Variants in NRXN3 observed in about 807,000 individuals in gnomAD.
NRXN3 encodes neurexin III.
NRXN3 carries 32 observed loss-of-function variants against 137.6 expected under a neutral mutation model. The ratio of observed to expected loss-of-function variants is 0.23; its 90% CI spans 0.18 to 0.31. The LOEUF is 0.31. Among genes scored for constraint, NRXN3 ranks in the 10% least tolerant of loss-of-function variants. The pLI, the probability that NRXN3 is intolerant of heterozygous loss-of-function variation, is 1.00. For missense variants in NRXN3, 1,574 were observed against 2,062.5 expected, an observed-to-expected ratio of 0.76 and a Z score of 4.59; for synonymous variants, 798 against 784.5, an observed-to-expected ratio of 1.02 and a Z score of -0.29.
chr14:78,504,871 G>T lies in NRXN3; in HGVS notation c.758-140249G>T, dbSNP rs878967483. Among the ~76,000 whole-genome samples, 3 of 152,080 alleles carry T rather than the reference G, an allele frequency of 2.0e-5. No individual in the cohort carries two copies. In the East Asian group the frequency reaches 5.8e-4, roughly 29 times the overall value. ...AAGATGTCTAAAGATAGACCTTCAA[G>T]TGGGCCCGACTTACTAGGCCATTCC... is the stretch of plus-strand genomic sequence containing the variant. On this transcript the variant is annotated intron_variant, in intron 4 of 20. Transcript: ENST00000335750.
intron 15 of NRXN3, among the ~76,000 whole-genome samples, chr14:79,227,554 A>G (rs975983052): frequency 6.6e-6 from 1 of 152,104 alleles, no homozygotes; most frequent in African/African-American, 2.4e-5. Flanking sequence ...ATTTCTGTGC[A>G]TGTTTGTTAT....
intron 4 of NRXN3, among the ~76,000 whole-genome samples, chr14:78,341,110 T>C (rs1357826544): frequency 6.6e-6 from 1 of 152,150 alleles, no homozygotes; most frequent in Non-Finnish European, 1.5e-5. Context: ...ACTGGACAGT[T>C]TGTATTTTAT....
intron 10 of NRXN3, among the ~76,000 whole-genome samples, chr14:78,934,925 C>A (rs189346378): frequency 1.3e-5 from 2 of 151,416 alleles, no homozygotes; most frequent in Non-Finnish European, 2.9e-5. Flanking sequence ...CAGACCTACA[C>A]GTTGTGCACA....
chr14:79,091,156 G>A (rs1391771486), intron 15 of NRXN3, among the ~76,000 whole-genome samples: 3 of 150,122 alleles, frequency 2.0e-5, no homozygotes, highest in African/African-American at 7.4e-5. Flanking sequence ...ATTCTGTCTT[G>A]ATCAATTTCA....
chr14:78,274,410 C>A (rs2073270535), intron 2 of NRXN3, among the ~76,000 whole-genome samples: 1 of 152,164 alleles, frequency 6.6e-6, no homozygotes, highest in Non-Finnish European at 1.5e-5. Context: ...ACCATCAGAT[C>A]TTGTGAGAAC....
intron 15 of NRXN3, among the ~76,000 whole-genome samples, chr14:79,155,512 G>T (rs1431128951): frequency 6.6e-6 from 1 of 151,698 alleles, no homozygotes; most frequent in Non-Finnish European, 1.5e-5. Context: ...TCTTCTTTAA[G>T]TTGATTTATT....
intron 4 of NRXN3, among the ~76,000 whole-genome samples, chr14:78,617,439 G>A (rs2097357683): frequency 6.6e-6 from 1 of 152,222 alleles, no homozygotes; most frequent in Admixed American, 6.5e-5. Context: ...CATGGCTGGG[G>A]CTGGTTTTAT....
chr14:78,351,376 T>A (rs214033), intron 4 of NRXN3, among the ~76,000 whole-genome samples: 55,652 of 152,052 alleles, frequency 0.37, 12,300 homozygotes, highest in Admixed American at 0.52. Context: ...TCTTAAGGAA[T>A]ACATATTTTC....
At chr14:79,455,551 TGTCTATG>T (rs1290900072) in intron 15 of NRXN3, among the ~76,000 whole-genome samples, 2 of 152,222 alleles carry the variant, frequency 1.3e-5, no homozygotes, top group Non-Finnish European at 2.9e-5. Flanking sequence ...TTTCCAATGG[TGTCTATG>T]GTCATTAGCC....
intron 2 of NRXN3, among the ~76,000 whole-genome samples, chr14:78,254,462 C>T (rs1044921384): frequency 1.3e-5 from 2 of 152,056 alleles, no homozygotes; most frequent in Non-Finnish European, 2.9e-5. Context: ...AGGCAGATCA[C>T]GAGGTCAGGA....
intron 10 of NRXN3, among the ~76,000 whole-genome samples, chr14:78,813,721 G>A (rs919286506): frequency 6.6e-6 from 1 of 151,990 alleles, no homozygotes; most frequent in African/African-American, 2.4e-5. Flanking sequence ...CTATTTCCAA[G>A]GCATTCTGTG....
chr14:79,169,495 T>TTTCACC (rs2061580718), intron 15 of NRXN3, among the ~76,000 whole-genome samples: 1 of 152,120 alleles, frequency 6.6e-6, no homozygotes, highest in Non-Finnish European at 1.5e-5. Context: ...TCTAATATTT[T>TTTCACC]TTCACCTTTT....
chr14:79,472,488 A>T (rs1244313658), intron 16 of NRXN3, among the ~76,000 whole-genome samples: 1 of 152,236 alleles, frequency 6.6e-6, no homozygotes. Flanking sequence ...TTTCTGAATG[A>T]ATTATAAACT....
At chr14:78,801,184 G>A (rs2098837654) in intron 8 of NRXN3, among the ~76,000 whole-genome samples, 1 of 152,162 alleles carries the variant, frequency 6.6e-6, no homozygotes, top group Non-Finnish European at 1.5e-5. Flanking sequence ...AGCCGCACAT[G>A]GTGGCAGGTG....
intron 8 of NRXN3, among the ~76,000 whole-genome samples, chr14:78,755,038 T>G (rs914407060): frequency 2.0e-5 from 3 of 152,120 alleles, no homozygotes; most frequent in Non-Finnish European, 2.9e-5. Flanking sequence ...CAAGAGGCTC[T>G]ATGCTCTTCC....
At chr14:78,863,018 A>G (rs193052836) in intron 10 of NRXN3, among the ~76,000 whole-genome samples, 1 of 152,266 alleles carries the variant, frequency 6.6e-6, no homozygotes, top group East Asian at 1.9e-4. Context: ...GAAACCCTCT[A>G]GAGGATAATA....
chr14:79,278,846 G>C (rs546371020), intron 15 of NRXN3, among the ~76,000 whole-genome samples: 1 of 152,292 alleles, frequency 6.6e-6, no homozygotes, highest in South Asian at 2.1e-4. Context: ...TTTTAACCCC[G>C]GGAGACACAC....
At chr14:78,251,629 C>A (rs28414746) in intron 2 of NRXN3, among the ~76,000 whole-genome samples, 11,218 of 152,030 alleles carry the variant, frequency 0.074, 1,037 homozygotes, top group African/African-American at 0.22. Context: ...CATAGGTGGA[C>A]GAATCAGAGC....
At chr14:79,441,191 C>CA (rs1567135057) in intron 15 of NRXN3, among the ~76,000 whole-genome samples, 2 of 150,604 alleles carry the variant, frequency 1.3e-5, no homozygotes, top group African/African-American at 4.9e-5. Flanking sequence ...CACAGTGTTT[C>CA]TTTTTTTTTA....
Sources: allele counts gnomAD v4.1 joint callset (sites outside exome capture counted in the v4.1 genomes callset), GRCh38; gene constraint gnomAD v4.1.1; transcripts MANE v1.5; gene names NCBI Gene and HGNC (gene_info 2026-07-23, HGNC 2026-07-21).